Variants in ABCC2 observed in about 807,000 individuals in gnomAD.
ABCC2 encodes ATP binding cassette subfamily C member 2, also known as ATP-binding cassette sub-family C member 2.
Under a neutral mutation model 173.4 loss-of-function variants are expected in ABCC2, and 157 were observed. The ratio of observed to expected loss-of-function variants is 0.91; its 90% CI spans 0.80 to 1.03. The LOEUF (loss-of-function observed/expected upper bound fraction) is 1.03, where lower values mean the gene tolerates loss of function less well. Ranked by LOEUF, ABCC2 falls within the 50% of genes least tolerant of loss-of-function variation. The pLI is 0.00. For missense variants in ABCC2, 1,822 were observed against 1,852.3 expected (o/e 0.98, Z 0.30); for synonymous variants, 657 against 693.5 (o/e 0.95, Z 0.83).
chr10:99,839,075 C>CGGGCAGGG (rs1315656063), intron 25 of ABCC2, among the ~76,000 whole-genome samples: 1,655 of 122,092 alleles, frequency 0.014, 8 homozygotes, highest in East Asian at 0.057. Flanking sequence ...GGCGGCTGGC[C>CGGGCAGGG]GGGCAGGGGG....
At chr10:99,793,844 TC>T in intron 4 of ABCC2, 47 bp from the exon 5 acceptor site, 2 of 1,581,440 alleles carry the variant, frequency 1.3e-6, no homozygotes, top group Non-Finnish European at 1.7e-6. Context: ...CATGTAGACT[TC>T]CTTTGGACAA....
chr10:99,782,969 G>A, intron 1 of ABCC2, 92 bp downstream of exon 1: 2 of 1,295,554 alleles, frequency 1.5e-6, no homozygotes, highest in African/African-American at 2.9e-5. Flanking sequence ...ACAAGAACCA[G>A]AAATGTTAGA....
intron 24 of ABCC2, among the ~76,000 whole-genome samples, chr10:99,835,003 G>C (rs1284228281): frequency 6.6e-6 from 1 of 152,218 alleles, no homozygotes; most frequent in African/African-American, 2.4e-5. Context: ...CAAAGTTCTA[G>C]TTTCACTGGG....
At chr10:99,800,599 C>T in intron 9 of ABCC2, 36 bp downstream of exon 9, 1 of 1,608,638 alleles carries the variant, frequency 6.2e-7, no homozygotes, top group Non-Finnish European at 8.5e-7. Flanking sequence ...CAAAGAAAAT[C>T]CCCTCAGTAA....
At chr10:99,814,332 C>T (rs202212996) in intron 16 of ABCC2, among the ~76,000 whole-genome samples, 17 of 111,302 alleles carry the variant, frequency 1.5e-4, no homozygotes, top group South Asian at 9.2e-4. Flanking sequence ...TATGTATACA[C>T]ACATGTATAT....
chr10:99,817,366 A>G lies in ABCC2; in HGVS notation c.2153A>G (p.Asn718Ser), dbSNP rs3740072. ...ATTCAGAATGGCACCATAAAGGACA[A>G]CATCCTTTTTGGAACAGAGTTTAAT... is the stretch of plus-strand genomic sequence containing the variant. ...SWIQNGTIKD[N>S]ILFGTEFNEK... is the part of the protein sequence containing the mutation. Residue 718 changes from asparagine (N) to serine (S), a missense_variant, in exon 17 of 32, where the codon AAC (asparagine) becomes AGC (serine). By Grantham distance (46) the Asn-to-Ser change is conservative. Coordinates refer to ENST00000647814, the MANE Select transcript of ABCC2 (RefSeq NM_000392.5). 1.2e-5 allele frequency: 19 copies of G among 1,614,034 alleles called. No individual in the cohort carries two copies. The East Asian group carries it at 3.6e-4, about 30-fold the overall frequency.
At chr10:99,783,448 T>C (rs1167887414) in intron 1 of ABCC2, among the ~76,000 whole-genome samples, 1 of 151,798 alleles carries the variant, frequency 6.6e-6, no homozygotes, top group Non-Finnish European at 1.5e-5. Flanking sequence ...CATTACGGAG[T>C]CATAGATAGC....
intron 25 of ABCC2, 55 bp from the exon 26 acceptor site, chr10:99,841,912 G>A (rs1177295588): frequency 6.2e-7 from 1 of 1,613,548 alleles, no homozygotes. Context: ...AAGGTTGCTG[G>A]TTAAGATGAG....
In ABCC2 at chr10:99,830,384, T is replaced by C. The variant is rs1030505812; in HGVS notation, c.2698T>C (p.Ser900Pro). The C allele has an allele frequency of 6.2e-7, 1 of 1,614,182 alleles. No homozygotes were observed. Among genetic ancestry groups the C allele is most frequent in the Non-Finnish European group, 8.5e-7 (1 of 1,180,022 alleles). ...GGAAGAGATCCCCGAAGATGCAGCC[T>C]CCATAACCATGAGAAGAGAGAACAG... ...SVEEIPEDAA[S>P]ITMRRENSFR... Residue 900 changes from serine (S) to proline (P), a missense_variant, in exon 20 of 32, where the codon TCC becomes CCC. Transcript: ENST00000647814.
At chr10:99,808,360 G>A in intron 13 of ABCC2, 131 bp downstream of exon 13, 19 of 1,199,268 alleles carry the variant, frequency 1.6e-5, no homozygotes, top group Non-Finnish European at 2.1e-5. Flanking sequence ...TTTGGTCTCT[G>A]GAGACCAATG....
At chr10:99,814,118 TACAC>T (rs1205213484) in intron 16 of ABCC2, among the ~76,000 whole-genome samples, 1 of 140,586 alleles carries the variant, frequency 7.1e-6, no homozygotes, top group African/African-American at 2.7e-5. Flanking sequence ...TATGTGTATA[TACAC>T]ACATATGTGT....
intron 3 of ABCC2, among the ~76,000 whole-genome samples, 186 bp from the exon 4 acceptor site, chr10:99,793,365 A>T (rs2037839886): frequency 6.6e-6 from 1 of 152,148 alleles, no homozygotes; most frequent in South Asian, 2.1e-4. Context: ...GCACTAAAAG[A>T]AAAAGCTGGA....
chr10:99,793,409 G>T, intron 3 of ABCC2, 142 bp from the exon 4 acceptor site: 1 of 1,219,046 alleles, frequency 8.2e-7, no homozygotes. Flanking sequence ...CCTGGCATCT[G>T]TGTGCTCTCT....
chr10:99,818,009 A>G (rs1159149865), intron 17 of ABCC2, among the ~76,000 whole-genome samples: 1 of 152,208 alleles, frequency 6.6e-6, no homozygotes, highest in Non-Finnish European at 1.5e-5. Flanking sequence ...GGATCACCTG[A>G]GGTCAGGAGT....
intron 26 of ABCC2, among the ~76,000 whole-genome samples, chr10:99,842,687 T>A (rs2038965222): frequency 6.6e-6 from 1 of 152,158 alleles, no homozygotes; most frequent in Non-Finnish European, 1.5e-5. Context: ...TTTGAACTAA[T>A]TTTTTTAGTT....
At position 99,807,642 on chromosome 10, in the gene ABCC2, G is replaced by T; in HGVS notation, c.1668+121G>T. The T allele has an allele frequency of 9.1e-6, 13 of 1,424,224 alleles. No individual in the cohort carries two copies. In the South Asian group the frequency reaches 1.4e-4, roughly 15 times the overall value. 88.2% of individuals were successfully genotyped at this position (1,424,224 alleles called of 1,614,324 possible). A position where few individuals can be genotyped will look rare whatever the true frequency, so the allele number is the denominator to read the frequency against. On this transcript the variant is annotated intron_variant, in intron 12 of 31. Coordinates refer to ENST00000647814, the MANE Select transcript of ABCC2 (RefSeq NM_000392.5). ...CTAGGCCTGACCGCAAGATCCAGGG[G>T]ACTTGTCCCTCTCACCGCCCCATGC... is the stretch of plus-strand genomic sequence containing the variant.
intron 29 of ABCC2, 122 bp from the exon 30 acceptor site, chr10:99,846,839 C>A: frequency 7.3e-7 from 1 of 1,374,774 alleles, no homozygotes; most frequent in Non-Finnish European, 1.0e-6. Context: ...CAACCACAAA[C>A]CAGCTTCCTG....
At position 99,799,260 on chromosome 10, in the gene ABCC2, A is replaced by G. The variant is rs1321536602; in HGVS notation, c.921A>G (p.Lys307=). 6.2e-7 allele frequency: 1 copy of G among 1,614,168 alleles called. No individual in the cohort carries two copies. Among genetic ancestry groups the G allele is most frequent in the Admixed American group, 1.7e-5 (1 of 60,024 alleles). The change falls in exon 8 of 32, where the codon AAA becomes AAG. Residue 307 remains lysine, a synonymous_variant. Transcript: ENST00000647814. Reference sequence around the variant, plus strand: ...CTGGGACCAAAAAAGATGTTCCAAAATCCTGGTTGATGAAGGCTCTGTTCA... The same window carrying G: ...CTGGGACCAAAAAAGATGTTCCAAAGTCCTGGTTGATGAAGGCTCTGTTCA... ...KKSGTKKDVP[K]SWLMKALFKT...
In ABCC2 at chr10:99,810,194, G is replaced by T. The variant is rs765154081; in HGVS notation, c.1876G>T (p.Ala626Ser). The part of the protein sequence containing the change: ...YLGGDDLDTS[A>S]IRHDCNFDKA... ...GGGAGGGGATGACTTGGACACATCT[G>T]CCATTCGACATGACTGCAATTTTGG... The change falls in exon 14 of 32, where the codon GCC (alanine) becomes TCC (serine). Residue 626 changes from alanine to serine, a missense_variant. Coordinates refer to ENST00000647814, the MANE Select transcript of ABCC2 (RefSeq NM_000392.5). The T allele has an allele frequency of 8.7e-6, 14 of 1,613,380 alleles. No individual in the cohort carries two copies. Among genetic ancestry groups the T allele is most frequent in the Middle Eastern group, 1.6e-4 (1 of 6,072 alleles).
Sources: gnomAD v4.1 joint callset for allele counts (sites outside exome capture counted in the v4.1 genomes callset) on GRCh38, gnomAD v4.1.1 for gene constraint, MANE v1.5 for transcripts, NCBI Gene and HGNC (gene_info 2026-07-23, HGNC 2026-07-21) for gene names.